The following ADGB variants were observed in gnomAD, a reference collection of about 807,000 sequenced individuals.
The protein encoded by ADGB is calpain-7-like protein.
In ADGB, 172 loss-of-function variants were observed where a neutral mutation model predicts 210.5. That is an observed-to-expected ratio of 0.82 (90% CI 0.72 to 0.93). The LOEUF is 0.93. ADGB is among the 40% of genes least tolerant of loss of function. The pLI is 0.00. For synonymous variants in ADGB, 658 were observed against 662.7 expected (o/e 0.99, Z 0.11); for missense variants, 2,025 against 1,964.8 (o/e 1.03, Z -0.58).
intron 35 of ADGB, among the ~76,000 whole-genome samples, chr6:146,814,328 AT>A (rs1778349592): frequency 6.6e-6 from 1 of 152,206 alleles, no homozygotes; most frequent in Non-Finnish European, 1.5e-5. Context: ...ACAGTAAGCA[AT>A]TAATTTGGCC....
At chr6:146,691,445 A>ATAT (rs1419237911) in intron 11 of ADGB, among the ~76,000 whole-genome samples, 155 bp downstream of exon 11, 4 of 16,452 alleles carry the variant, frequency 2.4e-4, no homozygotes, top group African/African-American at 1.2e-3. Context: ...TATATATAAA[A>ATAT]ATATATATAT....
intron 26 of ADGB, among the ~76,000 whole-genome samples, chr6:146,748,160 G>A (rs1777269148): frequency 6.6e-6 from 1 of 151,864 alleles, no homozygotes; most frequent in Admixed American, 6.6e-5. Context: ...AAAAGACGTG[G>A]AATATGGAAA....
At chr6:146,811,666 G>GT (rs919513311) in intron 35 of ADGB, among the ~76,000 whole-genome samples, 2 of 151,760 alleles carry the variant, frequency 1.3e-5, no homozygotes, top group African/African-American at 4.8e-5. Context: ...TTCTTGCTGT[G>GT]TTTTTTTGTT....
chr6:146,641,129 G>A (rs76002616), intron 2 of ADGB, among the ~76,000 whole-genome samples: 1 of 151,842 alleles, frequency 6.6e-6, no homozygotes, highest in African/African-American at 2.4e-5. Context: ...TAGCCAAAAT[G>A]AGAGCCAAAT....
intron 1 of ADGB, among the ~76,000 whole-genome samples, chr6:146,623,916 A>G (rs555193091): frequency 6.6e-6 from 1 of 151,924 alleles, no homozygotes; most frequent in Admixed American, 6.6e-5. Flanking sequence ...TCCTGGGATA[A>G]ACTCTAATTG....
At chr6:146,784,835 C>T (rs1777850729) in intron 31 of ADGB, 41 bp downstream of exon 31, 2 of 1,516,768 alleles carry the variant, frequency 1.3e-6, no homozygotes, top group African/African-American at 1.4e-5. Context: ...TACTTTTCCT[C>T]CTTAGGCATG....
intron 13 of ADGB, among the ~76,000 whole-genome samples, chr6:146,705,921 A>C (rs1776563523): frequency 6.6e-6 from 1 of 151,916 alleles, no homozygotes; most frequent in African/African-American, 2.4e-5. Context: ...CTTTTCTTTG[A>C]TAGGAGACTT....
chr6:146,701,269 T>C (rs1171724680), intron 13 of ADGB, among the ~76,000 whole-genome samples, 199 bp downstream of exon 13: 2 of 152,092 alleles, frequency 1.3e-5, no homozygotes, highest in African/African-American at 4.8e-5. Flanking sequence ...CCCCTGTGTG[T>C]TTCTTCTTGG....
chr6:146,660,883 G>A (rs1238521182), intron 5 of ADGB, among the ~76,000 whole-genome samples: 1 of 152,014 alleles, frequency 6.6e-6, no homozygotes, highest in African/African-American at 2.4e-5. Flanking sequence ...TGGAATTGAA[G>A]TCTGTGATTT....
intron 5 of ADGB, among the ~76,000 whole-genome samples, chr6:146,657,330 AAAAG>A (rs534999290): frequency 0.013 from 1,968 of 151,236 alleles, 17 homozygotes; most frequent in Non-Finnish European, 0.02. Context: ...CAAAAAAAAA[AAAAG>A]AAAGAAAGAA....
At position 146,644,858 on chromosome 6, in the gene ADGB, T is replaced by C. The variant is rs1317028071; in HGVS notation, c.323T>C (p.Phe108Ser). 6.8e-7 allele frequency: 1 copy of C among 1,477,366 alleles called. No individual in the cohort carries two copies. The highest frequency in any genetic ancestry group is 1.5e-5 in the South Asian group (1 of 68,700). The allele number at this position is 1,477,366 out of a possible 1,614,324, so 91.5% of individuals were successfully genotyped here. A position where few individuals can be genotyped will look rare whatever the true frequency, so the allele number is the denominator to read the frequency against. The change falls in exon 3 of 36, where the codon TTT becomes TCT. Residue 108 changes from phenylalanine (F) to serine (S), a missense_variant. Transcript: ENST00000397944. Reference protein sequence around the residue: ...YSWKRPQDILFSQTPVVVKNE... With the variant: ...YSWKRPQDILSSQTPVVVKNE... ...TGGAAACGTCCACAAGATATTTTAT[T>C]TAGTCAGGTAAGAAAGTTTTTTCTA...
intron 29 of ADGB, 138 bp downstream of exon 29, chr6:146,769,269 C>T (rs142447431): frequency 1.3e-5 from 6 of 470,552 alleles, no homozygotes; most frequent in African/African-American, 9.5e-5. Context: ...TACTCTATAT[C>T]CTGTTACATT....
intron 35 of ADGB, 57 bp from the exon 36 acceptor site, chr6:146,814,975 G>C (rs1778361664): frequency 1.3e-5 from 19 of 1,461,922 alleles, no homozygotes; most frequent in Non-Finnish European, 1.7e-5. Context: ...TTTTCTTTCT[G>C]GGAACATAAG....
chr6:146,606,201 T>A (rs1780627035), intron 1 of ADGB, among the ~76,000 whole-genome samples: 1 of 152,196 alleles, frequency 6.6e-6, no homozygotes, highest in Non-Finnish European at 1.5e-5. Context: ...TTTCATATGC[T>A]TGTTGGCTGT....
intron 2 of ADGB, among the ~76,000 whole-genome samples, chr6:146,641,918 C>A (rs142881054): frequency 6.6e-6 from 1 of 152,016 alleles, no homozygotes; most frequent in Non-Finnish European, 1.5e-5. Flanking sequence ...TCTAATTAAA[C>A]TTAAGAGCTT....
At chr6:146,708,264 A>G (rs772993047) in intron 13 of ADGB, among the ~76,000 whole-genome samples, 10 of 152,120 alleles carry the variant, frequency 6.6e-5, no homozygotes, top group Non-Finnish European at 7.4e-5. Context: ...CATCACCATT[A>G]CAGTATTAGA....
chr6:146,625,228 C>A (rs1451766726), intron 1 of ADGB, among the ~76,000 whole-genome samples: 1 of 152,018 alleles, frequency 6.6e-6, no homozygotes, highest in Admixed American at 6.6e-5. Context: ...GTTGTTGCTT[C>A]ATGTGTTAAG....
At chr6:146,682,613 A>G (rs1024197698) in intron 9 of ADGB, among the ~76,000 whole-genome samples, 2 of 152,144 alleles carry the variant, frequency 1.3e-5, no homozygotes, top group African/African-American at 2.4e-5. Flanking sequence ...TGTACCATTC[A>G]TAGTTCACTG....
intron 35 of ADGB, chr6:146,802,892 C>T (rs1415413398): frequency 6.2e-7 from 1 of 1,610,342 alleles, no homozygotes. Flanking sequence ...CCATAATCCA[C>T]TTAATTGTTG....
Sources: gnomAD v4.1 joint callset for allele counts (sites outside exome capture counted in the v4.1 genomes callset) on GRCh38, gnomAD v4.1.1 for gene constraint, MANE v1.5 for transcripts, NCBI Gene and HGNC (gene_info 2026-07-23, HGNC 2026-07-21) for gene names.